Variants in IFT57 observed in about 807,000 individuals in gnomAD.
IFT57 encodes intraflagellar transport protein 57 homolog.
Under a neutral mutation model 56.8 loss-of-function variants are expected in IFT57, and 59 were observed. That is an observed-to-expected ratio of 1.04 (90% CI 0.84 to 1.29). The LOEUF is 1.29. IFT57 is among the 50% of genes most tolerant of loss of function. The pLI, the probability that IFT57 is intolerant of heterozygous loss-of-function variation, is 0.00. For missense variants in IFT57, 470 were observed against 522.1 expected, an observed-to-expected ratio of 0.90 and a Z score of 0.97; for synonymous variants, 209 against 186.1, an observed-to-expected ratio of 1.12 and a Z score of -1.00.
intron 10 of IFT57, 33 bp downstream of exon 10, chr3:108,163,630 T>C: frequency 1.3e-6 from 2 of 1,483,312 alleles, no homozygotes; most frequent in Non-Finnish European, 1.9e-6. Flanking sequence ...TTTCTCTTGC[T>C]CAGTTTTTCC....
intron 6 of IFT57, among the ~76,000 whole-genome samples, chr3:108,181,971 CAG>C (rs887916516): frequency 7.2e-5 from 11 of 151,986 alleles, no homozygotes; most frequent in African/African-American, 2.7e-4. Flanking sequence ...AAATAACAGG[CAG>C]AGTCCCATTT....
At chr3:108,191,245 TTTCCCAGAAAATC>T (rs1374216293) in intron 6 of IFT57, among the ~76,000 whole-genome samples, 2 of 152,206 alleles carry the variant, frequency 1.3e-5, no homozygotes, top group Non-Finnish European at 2.9e-5. Context: ...CATAATATGA[TTTCCCAGAAAATC>T]TTCTGAGAAA....
chr3:108,201,264 A>T (rs1185686713), intron 5 of IFT57, among the ~76,000 whole-genome samples: 1 of 152,236 alleles, frequency 6.6e-6, no homozygotes, highest in Non-Finnish European at 1.5e-5. Context: ...TGCTAGGCCC[A>T]CAATGAAACC....
At chr3:108,204,760 G>A (rs1235352709) in intron 5 of IFT57, among the ~76,000 whole-genome samples, 2 of 152,106 alleles carry the variant, frequency 1.3e-5, no homozygotes, top group East Asian at 1.9e-4. Context: ...GAGGTAAAGC[G>A]GAAAAAGCAA....
chr3:108,178,506 A>C (rs973587078), intron 6 of IFT57, among the ~76,000 whole-genome samples: 3 of 151,972 alleles, frequency 2.0e-5, no homozygotes, highest in African/African-American at 7.2e-5. Context: ...AGATATTTGC[A>C]GTACACATAT....
At chr3:108,178,698 C>A (rs11915231) in intron 6 of IFT57, among the ~76,000 whole-genome samples, 14,641 of 151,860 alleles carry the variant, frequency 0.096, 769 homozygotes, top group Middle Eastern at 0.12. Flanking sequence ...GATATCATAA[C>A]ATACCTACCA....
chr3:108,169,112 C>T (rs183496121), intron 6 of IFT57, among the ~76,000 whole-genome samples: 34 of 152,174 alleles, frequency 2.2e-4, no homozygotes, highest in Admixed American at 1.2e-3. Flanking sequence ...CTCCCACCAA[C>T]AGTGTAAAAG....
At chr3:108,205,549 A>G (rs1181003450) in intron 5 of IFT57, among the ~76,000 whole-genome samples, 7 of 151,242 alleles carry the variant, frequency 4.6e-5, no homozygotes, top group Admixed American at 3.3e-4. Context: ...ATGCCTTAGT[A>G]TTATTAATCC....
chr3:108,188,166 G>T (rs1288375341), intron 6 of IFT57, among the ~76,000 whole-genome samples: 1 of 152,020 alleles, frequency 6.6e-6, no homozygotes, highest in African/African-American at 2.4e-5. Flanking sequence ...TTGATAGAGT[G>T]AGGAGTGGAG....
At chr3:108,171,367 T>C (rs1345372290) in intron 6 of IFT57, among the ~76,000 whole-genome samples, 1 of 151,816 alleles carries the variant, frequency 6.6e-6, no homozygotes, top group African/African-American at 2.4e-5. Flanking sequence ...TACTGGCAGT[T>C]TGACGTAAAG....
At chr3:108,206,804 T>C (rs1261809115) in intron 4 of IFT57, 108 bp from the exon 5 acceptor site, 3 of 277,510 alleles carry the variant, frequency 1.1e-5, no homozygotes, top group Non-Finnish European at 1.9e-5. Flanking sequence ...ATATAAAGAC[T>C]AGTGTAGAAA....
intron 2 of IFT57, 56 bp downstream of exon 2, chr3:108,219,354 C>T (rs1208264957): frequency 1.2e-5 from 16 of 1,386,052 alleles, no homozygotes; most frequent in Non-Finnish European, 1.6e-5. Flanking sequence ...ATTAAATTAC[C>T]AGTATTAAAA....
At chr3:108,201,660 T>G (rs2080278803) in intron 5 of IFT57, among the ~76,000 whole-genome samples, 1 of 152,186 alleles carries the variant, frequency 6.6e-6, no homozygotes, top group African/African-American at 2.4e-5. Context: ...AATCAAAAAT[T>G]AATGGCAACT....
chr3:108,201,786 A>G (rs2080279429), intron 5 of IFT57, among the ~76,000 whole-genome samples: 1 of 152,228 alleles, frequency 6.6e-6, no homozygotes, highest in African/African-American at 2.4e-5. Flanking sequence ...AGTATTTAAG[A>G]TATTAACCAA....
intron 5 of IFT57, among the ~76,000 whole-genome samples, chr3:108,206,075 TTA>T (rs1218412759): frequency 7.7e-6 from 1 of 130,238 alleles, no homozygotes; most frequent in Non-Finnish European, 1.6e-5. Context: ...TAATAATATA[TTA>T]TATATAAATA....
At chr3:108,162,768 A>G (rs1172049142) in intron 10 of IFT57, 113 bp from the exon 11 acceptor site, 1 of 813,616 alleles carries the variant, frequency 1.2e-6, no homozygotes. Flanking sequence ...GGTTAAAAAT[A>G]TAGCCAAAAA....
intron 3 of IFT57, 149 bp from the exon 4 acceptor site, chr3:108,214,170 C>T (rs1276415896): frequency 5.7e-6 from 3 of 525,390 alleles, no homozygotes; most frequent in Non-Finnish European, 3.3e-6. Flanking sequence ...TGTATTTTTC[C>T]TAAAACTTTC....
intron 4 of IFT57, among the ~76,000 whole-genome samples, chr3:108,210,579 C>T (rs1275435203): frequency 6.6e-6 from 1 of 151,976 alleles, no homozygotes; most frequent in African/African-American, 2.4e-5. Context: ...GTGATCTGCC[C>T]ACCCCAGCCT....
At chr3:108,190,130 C>T (rs1006160097) in intron 6 of IFT57, among the ~76,000 whole-genome samples, 3 of 152,024 alleles carry the variant, frequency 2.0e-5, no homozygotes, top group Admixed American at 6.6e-5. Context: ...CAGTTCAAAC[C>T]CTGATTTTAC....
Sources: allele counts gnomAD v4.1 joint callset (sites outside exome capture counted in the v4.1 genomes callset), GRCh38; gene constraint gnomAD v4.1.1; transcripts MANE v1.5; gene names NCBI Gene and HGNC (gene_info 2026-07-23, HGNC 2026-07-21).